Variants in CCDC148 observed in about 807,000 individuals in gnomAD.
CCDC148 encodes the protein coiled-coil domain containing 148.
A neutral mutation model predicts 85.7 loss-of-function variants in CCDC148; 89 were observed. The ratio of observed to expected loss-of-function variants is 1.04; its 90% CI spans 0.87 to 1.24. CCDC148 has a LOEUF of 1.24. Ranked by LOEUF, CCDC148 falls within the 50% of genes most tolerant of loss-of-function variation. CCDC148 has a pLI of 0.00. For missense variants in CCDC148, 692 were observed against 671.7 expected, an observed-to-expected ratio of 1.03 and a Z score of -0.33; for synonymous variants, 230 against 213.9, an observed-to-expected ratio of 1.08 and a Z score of -0.66.
chr2:158,411,913 C>G (rs1686277171), intron 1 of CCDC148, among the ~76,000 whole-genome samples: 3 of 150,908 alleles, frequency 2.0e-5, no homozygotes, highest in Admixed American at 1.3e-4. Flanking sequence ...CATGGGTGCA[C>G]AGTGGAATCA....
At chr2:158,357,352 C>T (rs913092793) in intron 2 of CCDC148, among the ~76,000 whole-genome samples, 1 of 151,080 alleles carries the variant, frequency 6.6e-6, no homozygotes, top group African/African-American at 2.4e-5. Flanking sequence ...ATAGTAGGCA[C>T]ATAATAAATA....
At chr2:158,402,609 G>C (rs892588412) in intron 1 of CCDC148, among the ~76,000 whole-genome samples, 1 of 151,642 alleles carries the variant, frequency 6.6e-6, no homozygotes, top group Non-Finnish European at 1.5e-5. Context: ...CTTCCATAAG[G>C]GATTTATAAT....
chr2:158,192,045 A>G (rs1233750938), intron 11 of CCDC148, among the ~76,000 whole-genome samples: 1 of 152,112 alleles, frequency 6.6e-6, no homozygotes, highest in Non-Finnish European at 1.5e-5. Context: ...AATTAATTAA[A>G]TTAACAGGGA....
chr2:158,227,253 C>T (rs1436098317), intron 10 of CCDC148, among the ~76,000 whole-genome samples: 48 of 150,438 alleles, frequency 3.2e-4, no homozygotes, highest in East Asian at 7.9e-4. Flanking sequence ...TTACAAGGGA[C>T]GTCAAGGACC....
chr2:158,382,626 T>C (rs1574726945), intron 1 of CCDC148, among the ~76,000 whole-genome samples: 1 of 152,148 alleles, frequency 6.6e-6, no homozygotes, highest in East Asian at 1.9e-4. Context: ...AAACCAAATC[T>C]GAGGCCAGGC....
At chr2:158,411,425 G>T (rs1435417154) in intron 1 of CCDC148, among the ~76,000 whole-genome samples, 1 of 151,732 alleles carries the variant, frequency 6.6e-6, no homozygotes, top group Non-Finnish European at 1.5e-5. Context: ...CAAGTAACTT[G>T]TATTTAAGTT....
At chr2:158,250,104 G>A (rs906620708) in intron 10 of CCDC148, among the ~76,000 whole-genome samples, 2 of 151,926 alleles carry the variant, frequency 1.3e-5, no homozygotes, top group Non-Finnish European at 2.9e-5. Flanking sequence ...CATAATTTTT[G>A]TGGTGGGAAA....
chr2:158,187,062 T>G (rs1439305558), intron 11 of CCDC148, among the ~76,000 whole-genome samples: 1 of 152,080 alleles, frequency 6.6e-6, no homozygotes, highest in East Asian at 1.9e-4. Flanking sequence ...TCTCCCCAGC[T>G]GCTTGATGTT....
At chr2:158,454,246 A>G (rs1204243257) in intron 1 of CCDC148, among the ~76,000 whole-genome samples, 2 of 152,258 alleles carry the variant, frequency 1.3e-5, no homozygotes, top group Non-Finnish European at 2.9e-5. Context: ...AAAGGCCAAT[A>G]GATAGAGATG....
chr2:158,393,892 A>G (rs1191897194), intron 1 of CCDC148, among the ~76,000 whole-genome samples: 1 of 152,166 alleles, frequency 6.6e-6, no homozygotes, highest in African/African-American at 2.4e-5. Flanking sequence ...CTTATACCAG[A>G]TATCTGTGGG....
At chr2:158,176,284 A>G (rs1009490920) in intron 13 of CCDC148, among the ~76,000 whole-genome samples, 4 of 152,114 alleles carry the variant, frequency 2.6e-5, no homozygotes, top group African/African-American at 9.7e-5. Context: ...AATAAGCTTC[A>G]ATGACAGATT....
At chr2:158,217,216 T>A (rs1291054451) in intron 11 of CCDC148, among the ~76,000 whole-genome samples, 1 of 151,496 alleles carries the variant, frequency 6.6e-6, no homozygotes, top group Non-Finnish European at 1.5e-5. Flanking sequence ...TGTCTTTTTT[T>A]AATGTTGAAC....
rs190553068 is a variant in CCDC148 at position 158,421,596 on chromosome 2, G to C, written c.25+34819C>G. ...TGGGACACATTTAAAGCAGTGTGTAGAGGGAAATTTATAGCACTAAATGCC... is the reference window on the plus strand; with the variant it reads ...TGGGACACATTTAAAGCAGTGTGTACAGGGAAATTTATAGCACTAAATGCC... On this transcript the variant is annotated intron_variant, in intron 1 of 13. Coordinates refer to ENST00000283233, the MANE Select transcript of CCDC148 (RefSeq NM_138803.4). 3.2e-3 allele frequency among the ~76,000 whole-genome samples: 488 copies of C among 152,304 alleles called. 3 individuals are homozygous for C. Among genetic ancestry groups the C allele is most frequent in the African/African-American group, 0.011 (473 of 41,562 alleles).
At chr2:158,439,480 G>T (rs1300286958) in intron 1 of CCDC148, among the ~76,000 whole-genome samples, 1 of 152,132 alleles carries the variant, frequency 6.6e-6, no homozygotes, top group Non-Finnish European at 1.5e-5. Flanking sequence ...CTGTCGTGGG[G>T]TGGCGGCAGG....
chr2:158,437,431 T>C lies in CCDC148; in HGVS notation c.25+18984A>G, dbSNP rs146834083. 3.2e-3 allele frequency among the ~76,000 whole-genome samples: 486 copies of C among 152,290 alleles called. 3 individuals are homozygous for C. The highest frequency in any genetic ancestry group is 0.011 in the African/African-American group (472 of 41,542). ...GGCCTTTGACAAAATTCAACAGCGC[T>C]TCATGCTGAAAACTCTTAATAAATT... On this transcript the variant is annotated intron_variant, in intron 1 of 13. Transcript: ENST00000283233.
intron 1 of CCDC148, 110 bp downstream of exon 1, chr2:158,456,305 T>A: frequency 1.8e-6 from 2 of 1,082,330 alleles, no homozygotes; most frequent in Non-Finnish European, 2.8e-6. Flanking sequence ...TGAGGAAAGA[T>A]CCACCCCAGG....
intron 1 of CCDC148, among the ~76,000 whole-genome samples, chr2:158,389,725 A>G (rs912792728): frequency 2.0e-5 from 3 of 152,178 alleles, no homozygotes; most frequent in African/African-American, 7.2e-5. Context: ...CATGATTCAA[A>G]ATGTATTTCC....
chr2:158,277,785 A>T (rs1178040263), intron 9 of CCDC148, among the ~76,000 whole-genome samples: 2 of 152,100 alleles, frequency 1.3e-5, no homozygotes, highest in Non-Finnish European at 2.9e-5. Flanking sequence ...TTTAGTAGAG[A>T]TGGGGTTTCA....
intron 1 of CCDC148, among the ~76,000 whole-genome samples, chr2:158,372,650 C>T (rs1163728608): frequency 2.0e-5 from 3 of 152,012 alleles, no homozygotes; most frequent in African/African-American, 7.2e-5. Flanking sequence ...TAATTCACTC[C>T]TTCCATATCC....
Sources: allele counts gnomAD v4.1 joint callset (sites outside exome capture counted in the v4.1 genomes callset), GRCh38; gene constraint gnomAD v4.1.1; transcripts MANE v1.5; gene names NCBI Gene and HGNC (gene_info 2026-07-23, HGNC 2026-07-21).